VPS37A: variants seen among roughly 807,000 people sequenced by gnomAD.
VPS37A encodes VPS37A subunit of ESCRT-I.
VPS37A carries 30 observed loss-of-function variants against 49.8 expected under a neutral mutation model. The ratio of observed to expected loss-of-function variants is 0.60; its 90% CI spans 0.45 to 0.82. The LOEUF (loss-of-function observed/expected upper bound fraction) is 0.82, where lower values mean the gene tolerates loss of function less well. VPS37A is among the 40% of genes least tolerant of loss of function. The pLI is 0.00. For synonymous variants in VPS37A, 195 were observed against 160.6 expected (o/e 1.21, Z -1.62); for missense variants, 593 against 464.4 (o/e 1.28, Z -2.55).
At chr8:17,326,939 G>C in the VPS37A span, among the ~76,000 whole-genome samples, 1 of 152,144 alleles carries the variant, frequency 6.6e-6, no homozygotes, top group Non-Finnish European at 1.5e-5. Context: ...TAAATAAAGA[G>C]GGAAAAAGGG....
chr8:17,271,493 C>G (rs1258333040), intron 4 of VPS37A, among the ~76,000 whole-genome samples: 5 of 152,058 alleles, frequency 3.3e-5, no homozygotes, highest in Non-Finnish European at 7.3e-5. Flanking sequence ...GTAGTCCCAG[C>G]TACTCGGAAG....
At position 17,268,948 on chromosome 8, in the gene VPS37A, A is replaced by G; in HGVS notation, c.408A>G (p.Ala136=). 2 of 1,598,660 alleles carry G rather than the reference A, an allele frequency of 1.3e-6. No individual in the cohort carries two copies. The highest frequency in any genetic ancestry group is 1.7e-6 in the Non-Finnish European group (2 of 1,171,654). ...NPPVLAPTST[A]FPYLYSNPSG... The stretch of plus-strand genomic sequence containing the variant: ...CAGTTTTAGCTCCTACTTCAACAGC[A>G]TTTCCTTAGTAAGTATATTTCTAGT... Residue 136 remains alanine (A), a synonymous_variant, in exon 4 of 12, where the codon GCA becomes GCG. Coordinates refer to ENST00000324849, the MANE Select transcript of VPS37A (RefSeq NM_152415.3).
intron 11 of VPS37A, among the ~76,000 whole-genome samples, chr8:17,287,046 C>T (rs1227472327): frequency 6.6e-6 from 1 of 152,140 alleles, no homozygotes; most frequent in Non-Finnish European, 1.5e-5. Context: ...TTTGCATTTT[C>T]CCCTTACATT....
chr8:17,330,503 T>A, the VPS37A span, among the ~76,000 whole-genome samples: 3 of 152,248 alleles, frequency 2.0e-5, no homozygotes, highest in African/African-American at 7.2e-5. Flanking sequence ...CTGGTTTTGC[T>A]TGAAATGCAG....
chr8:17,266,026 A>G, intron 2 of VPS37A, 45 bp downstream of exon 2: 1 of 1,524,888 alleles, frequency 6.6e-7, no homozygotes, highest in Non-Finnish European at 8.9e-7. Context: ...AGGACTTAAC[A>G]GTTTTTTTAT....
At chr8:17,248,833 A>C (rs2150339528) in intron 1 of VPS37A, among the ~76,000 whole-genome samples, 1 of 152,344 alleles carries the variant, frequency 6.6e-6, no homozygotes, top group South Asian at 2.1e-4. Flanking sequence ...AACAGAAAAG[A>C]ATGGCAGGCT....
intron 4 of VPS37A, among the ~76,000 whole-genome samples, chr8:17,272,227 C>G (rs552081601): frequency 1.3e-5 from 2 of 152,314 alleles, no homozygotes; most frequent in African/African-American, 4.8e-5. Context: ...AGGGGACTTC[C>G]AGCCTATAGC....
intron 1 of VPS37A, among the ~76,000 whole-genome samples, chr8:17,261,740 C>G (rs1209619038): frequency 6.6e-6 from 1 of 152,154 alleles, no homozygotes; most frequent in African/African-American, 2.4e-5. Context: ...TGGGGGAGCT[C>G]CCAAAGGGGA....
intron 1 of VPS37A, among the ~76,000 whole-genome samples, chr8:17,256,486 A>C (rs914249406): frequency 6.6e-6 from 1 of 150,924 alleles, no homozygotes; most frequent in Non-Finnish European, 1.5e-5. Context: ...TTTAAATCAC[A>C]TTATTTGTTT....
intron 1 of VPS37A, among the ~76,000 whole-genome samples, chr8:17,251,151 T>A (rs1000107279): frequency 1.3e-5 from 2 of 152,188 alleles, no homozygotes; most frequent in Admixed American, 1.3e-4. Context: ...AAGGATTGTT[T>A]ATGCCAGTGA....
At chr8:17,303,672 C>T (rs190047998), downstream of VPS37A, among the ~76,000 whole-genome samples, 59 of 151,148 alleles carry the variant, frequency 3.9e-4, no homozygotes, top group Non-Finnish European at 7.1e-4. Context: ...TGCAATGGCA[C>T]GATCTCGGCT....
chr8:17,323,198 C>T, the VPS37A span, among the ~76,000 whole-genome samples: 2 of 151,922 alleles, frequency 1.3e-5, no homozygotes, highest in East Asian at 3.9e-4. Flanking sequence ...CCACCTGCCT[C>T]AGCCTCCCAC....
In VPS37A at chr8:17,280,141, T is replaced by C. The variant is rs540348874; in HGVS notation, c.827T>C (p.Ile276Thr). ...GACAAAGATGACTTAGTAAAAAGTA[T>C]TGAGGAACTAGCAAGTATGTTTTCC... ...ITDKDDLVKS[I>T]EELARKNLLL... The change falls in exon 7 of 12, where the codon ATT becomes ACT. Residue 276 changes from isoleucine to threonine, a missense_variant. By Grantham distance (89) the Ile-to-Thr change is moderately conservative (BLOSUM62 -1). Transcript: ENST00000324849. The C allele has an allele frequency of 3.7e-6, 6 of 1,612,646 alleles. No homozygotes were observed. In the African/African-American group the frequency reaches 6.7e-5, roughly 18 times the overall value.
chr8:17,290,565 C>T (rs1816047051), intron 11 of VPS37A, among the ~76,000 whole-genome samples: 1 of 152,204 alleles, frequency 6.6e-6, no homozygotes, highest in African/African-American at 2.4e-5. Context: ...TAATGCGCTG[C>T]TGGATTCAGT....
At chr8:17,273,808 C>G (rs1304823691) in intron 4 of VPS37A, among the ~76,000 whole-genome samples, 2 of 151,744 alleles carry the variant, frequency 1.3e-5, no homozygotes, top group African/African-American at 4.8e-5. Context: ...CACAAAATTT[C>G]CAACTCAGGT....
intron 1 of VPS37A, among the ~76,000 whole-genome samples, chr8:17,263,836 G>A (rs1425446567): frequency 6.6e-6 from 1 of 152,124 alleles, no homozygotes; most frequent in Admixed American, 6.5e-5. Context: ...AGCTACTCAT[G>A]AGGCTGAGGC....
rs1320781728 is a variant in VPS37A at position 17,296,113 on chromosome 8, C to T, written c.*1127C>T. Reference sequence around the variant, plus strand: ...TTTCATCCCAGTATGATTGTCTTCCCAACACCAGCATATAGTATAGATTGT... The same window carrying T: ...TTTCATCCCAGTATGATTGTCTTCCTAACACCAGCATATAGTATAGATTGT... On this transcript the variant is annotated 3_prime_UTR_variant, in exon 12 of 12. Transcript: ENST00000324849. 6.6e-6 allele frequency: 1 copy of T among 152,158 alleles called. No individual in the cohort carries two copies. Among genetic ancestry groups the T allele is most frequent in the Non-Finnish European group, 1.5e-5 (1 of 68,034 alleles). The allele number at this position is 152,158 out of a possible 1,614,324, so 9.4% of individuals were successfully genotyped here.
At chr8:17,318,628 C>G in the VPS37A span, among the ~76,000 whole-genome samples, 2 of 152,206 alleles carry the variant, frequency 1.3e-5, no homozygotes. Flanking sequence ...AGCTAATTCA[C>G]AGCCAGGTTT....
In VPS37A at chr8:17,286,379, A is replaced by G. The variant is rs211694394; in HGVS notation, c.1146A>G (p.Lys382=). ...ACTGTAGAAGAGCCAAGGAAGAGAA[A>G]CTTCAGCAGGCGATAGCAATGCACA... ...ICHCRRAKEE[K]LQQAIAMHSQ... Residue 382 remains lysine (K), a synonymous_variant, in exon 11 of 12, where the codon AAA becomes AAG. Coordinates refer to ENST00000324849, the MANE Select transcript of VPS37A (RefSeq NM_152415.3). The G allele has an allele frequency of 1.1e-5, 17 of 1,613,788 alleles. No homozygotes were observed. In the East Asian group the frequency reaches 3.8e-4, roughly 36 times the overall value.
Sources: allele counts gnomAD v4.1 joint callset (sites outside exome capture counted in the v4.1 genomes callset), GRCh38; gene constraint gnomAD v4.1.1; transcripts MANE v1.5; gene names NCBI Gene and HGNC (gene_info 2026-07-23, HGNC 2026-07-21).